Variants in CNGA2 observed in about 807,000 individuals in gnomAD.
CNGA2 encodes the protein cyclic nucleotide gated channel subunit alpha 2.
CNGA2 carries 22 observed loss-of-function variants against 35.9 expected under a neutral mutation model. The observed-to-expected ratio is 0.61, with a 90% CI of 0.44 to 0.88. CNGA2 has a LOEUF of 0.88. CNGA2 is among the 40% of genes least tolerant of loss of function. CNGA2 has a pLI of 0.00. For missense variants in CNGA2, 555 were observed against 530.8 expected, an observed-to-expected ratio of 1.05 and a Z score of -0.45; for synonymous variants, 217 against 209.2, an observed-to-expected ratio of 1.04 and a Z score of -0.32.
At position 151,744,735 on chromosome X, in the gene CNGA2, T is replaced by C. The variant is rs1335138383; in HGVS notation, c.*237T>C. 1 of 329,600 alleles carries C rather than the reference T, an allele frequency of 3.0e-6. No homozygotes were observed. Among genetic ancestry groups the C allele is most frequent in the African/African-American group, 2.6e-5 (1 of 38,626 alleles). 27.2% of individuals were successfully genotyped at this position (329,600 alleles called of 1,213,427 possible). A position where few individuals can be genotyped will look rare whatever the true frequency, so the allele number is the denominator to read the frequency against. On this transcript the variant is annotated 3_prime_UTR_variant, in exon 7 of 7. Transcript: ENST00000329903. ...GGGCTTCCGAGAGCTTCGGCCTGCC[T>C]AAGTCTGAGGAAGGGAGAAGGGGGC... is the stretch of plus-strand genomic sequence containing the variant.
rs2015361834 is a variant in CNGA2 at position 151,744,942 on chromosome X, G to A, written c.*444G>A. The stretch of plus-strand genomic sequence containing the variant: ...GTCTGTCTCCCACGACAGGCCAAGG[G>A]ATGTGATAGTGTTGTTGGGAGGGGG... On this transcript the variant is annotated 3_prime_UTR_variant, in exon 7 of 7. Transcript: ENST00000329903. 8.0e-6 allele frequency: 1 copy of A among 124,975 alleles called. No homozygotes were observed. The highest frequency in any genetic ancestry group is 8.2e-5 in the Admixed American group (1 of 12,137). 10.3% of individuals were successfully genotyped at this position (124,975 alleles called of 1,213,427 possible).
chrX:151,744,377 C>T lies in CNGA2; in HGVS notation c.1874C>T (p.Ala625Val). 8.3e-7 allele frequency: 1 copy of T among 1,210,716 alleles called. No homozygotes were observed. The highest frequency in any genetic ancestry group is 1.8e-5 in the South Asian group (1 of 56,888). ...CGCCTGCTGGCTGAGTACACGGGGG[C>T]CCAGCAGAAGCTCAAGCAGCGCATC... ...FGRLLAEYTG[A>V]QQKLKQRITV... is the part of the protein sequence containing the mutation. The change falls in exon 7 of 7, where the codon GCC becomes GTC. Residue 625 changes from alanine (A) to valine (V), a missense_variant. Physicochemically the swap from Ala to Val is moderately conservative, Grantham distance 64 (BLOSUM62 0). Transcript: ENST00000329903.
intron 1 of CNGA2, among the ~76,000 whole-genome samples, chrX:151,735,273 T>C (rs1178944241): frequency 8.9e-6 from 1 of 112,137 alleles, no homozygotes; most frequent in Non-Finnish European, 1.9e-5. Context: ...ATCTAAGATC[T>C]GTTGCCCATC....
At chrX:151,736,022 T>C (rs942443301) in intron 1 of CNGA2, among the ~76,000 whole-genome samples, 3 of 111,462 alleles carry the variant, frequency 2.7e-5, no homozygotes, top group Non-Finnish European at 5.7e-5. Flanking sequence ...CTTCCTGATA[T>C]GGGAGGGGGG....
At chrX:151,742,788 A>G in intron 6 of CNGA2, 146 bp downstream of exon 6, 1 of 417,510 alleles carries the variant, frequency 2.4e-6, no homozygotes, top group South Asian at 4.7e-5. Flanking sequence ...TCCCACATGC[A>G]TAGAGAGGTT....
At chrX:151,737,015 C>T (rs2015253111) in intron 1 of CNGA2, among the ~76,000 whole-genome samples, 1 of 111,800 alleles carries the variant, frequency 8.9e-6, no homozygotes, top group Admixed American at 9.4e-5. Flanking sequence ...CAAGTGCCCT[C>T]GTTACTATCC....
chrX:151,738,317 G>A, intron 1 of CNGA2, 141 bp from the exon 2 acceptor site: 2 of 456,108 alleles, frequency 4.4e-6, no homozygotes, highest in Non-Finnish European at 7.7e-6. Context: ...CCACTGCCCT[G>A]ACTGCCACAG....
At chrX:151,737,031 C>T (rs2015253347) in intron 1 of CNGA2, among the ~76,000 whole-genome samples, 2 of 111,850 alleles carry the variant, frequency 1.8e-5, no homozygotes, top group Non-Finnish European at 3.8e-5. Context: ...TATCCTGGTG[C>T]CATAGTTCCG....
intron 5 of CNGA2, among the ~76,000 whole-genome samples, chrX:151,741,189 C>T (rs953057082): frequency 9.0e-6 from 1 of 111,722 alleles, no homozygotes; most frequent in African/African-American, 3.3e-5. Context: ...TTAAGTGGCT[C>T]CCCATTGTCC....
chrX:151,743,044 A>ATATGTG (rs2015332362), intron 6 of CNGA2, 49 bp from the exon 7 acceptor site: 1 of 582,767 alleles, frequency 1.7e-6, no homozygotes, highest in Non-Finnish European at 2.7e-6. Flanking sequence ...ATATATGTAT[A>ATATGTG]TATATACCCT....
At position 151,741,837 on chromosome X, in the gene CNGA2, T is replaced by C. The variant is rs188591364; in HGVS notation, c.483-699T>C. On this transcript the variant is annotated intron_variant, in intron 5 of 6. Transcript: ENST00000329903. ...AGCCATCACTGGCATGGGCCAGCTC[T>C]GCAGTCTCAGTGGGAAGGGGAGGGG... Among the ~76,000 whole-genome samples the C allele has an allele frequency of 8.0e-3, 896 of 112,426 alleles. 6 individuals carry two copies. Among genetic ancestry groups the C allele is most frequent in the Middle Eastern group, 0.014 (3 of 218 alleles).
intron 4 of CNGA2, among the ~76,000 whole-genome samples, chrX:151,740,584 G>A (rs1193298905): frequency 8.9e-6 from 1 of 112,260 alleles, no homozygotes; most frequent in African/African-American, 3.2e-5. Context: ...TGAGAAGATG[G>A]GTGCCCCCGC....
rs879372 is a variant in CNGA2 at position 151,744,801 on chromosome X, C to T, written c.*303C>T. On this transcript the variant is annotated 3_prime_UTR_variant, in exon 7 of 7. Coordinates refer to ENST00000329903, the MANE Select transcript of CNGA2 (RefSeq NM_005140.3). ...GTCTGGCTCTTTTGCTCATAGCGAC[C>T]CCTCCCTTGGTTCTGGCCCCCGCTT... is the stretch of plus-strand genomic sequence containing the variant. 0.31 allele frequency: 86,917 copies of T among 284,243 alleles called. 13,281 individuals carry two copies. Among genetic ancestry groups the T allele is most frequent in the African/African-American group, 0.77 (28,312 of 36,533 alleles). 23.4% of individuals were successfully genotyped at this position (284,243 alleles called of 1,213,427 possible).
rs148854921 is a variant in CNGA2 at position 151,738,404 on chromosome X, C to G, written c.-26-54C>G. ...CCTGTTCACTTGCCACTCTCCCACT[C>G]TCTGTGGGTGTCAGGGTCCTCTGTG... On this transcript the variant is annotated intron_variant, in intron 1 of 6. Transcript: ENST00000329903. 46 of 840,289 alleles carry G rather than the reference C, an allele frequency of 5.5e-5. No homozygotes were observed. The East Asian group carries it at 1.4e-3, about 25-fold the overall frequency. 69.2% of individuals were successfully genotyped at this position (840,289 alleles called of 1,213,427 possible).
At position 151,743,648 on chromosome X, in the gene CNGA2, G is replaced by A. The variant is rs147982375; in HGVS notation, c.1145G>A (p.Arg382Gln). 50 of 1,209,448 alleles carry A rather than the reference G, an allele frequency of 4.1e-5. No individual in the cohort carries two copies. Among genetic ancestry groups the A allele is most frequent in the East Asian group, 8.9e-5 (3 of 33,770 alleles). Residue 382 changes from arginine (R) to glutamine (Q), a missense_variant, in exon 7 of 7, where the codon CGG (arginine) becomes CAG (glutamine). Transcript: ENST00000329903. The stretch of plus-strand genomic sequence containing the variant: ...ATGATCTCCAACATGAATGCCACCC[G>A]GGCAGAGTTCCAGGCTAAGATCGAT... ...GSMISNMNAT[R>Q]AEFQAKIDAV...
intron 1 of CNGA2, among the ~76,000 whole-genome samples, chrX:151,735,174 C>T (rs941063268): frequency 8.9e-6 from 1 of 112,029 alleles, no homozygotes; most frequent in Non-Finnish European, 1.9e-5. Flanking sequence ...AGGCCTACAA[C>T]TCCACCTTGA....
chrX:151,737,078 A>G (rs2015254011), intron 1 of CNGA2, among the ~76,000 whole-genome samples: 1 of 111,579 alleles, frequency 9.0e-6, no homozygotes, highest in African/African-American at 3.3e-5. Flanking sequence ...AGGCTGTTTG[A>G]CGTGCCTGCC....
intron 2 of CNGA2, 79 bp downstream of exon 2, chrX:151,738,672 A>G (rs917293693): frequency 9.1e-7 from 1 of 1,096,370 alleles, no homozygotes. Flanking sequence ...AGAGCAAGCA[A>G]TCTTTGTCTC....
In CNGA2 at chrX:151,743,193, C is replaced by A; in HGVS notation, c.690C>A (p.Pro230=). 1 of 1,205,453 alleles carries A rather than the reference C, an allele frequency of 8.3e-7. No individual in the cohort carries two copies. The highest frequency in any genetic ancestry group is 1.1e-6 in the Non-Finnish European group (1 of 893,899). The change falls in exon 7 of 7, where the codon CCC becomes CCA. Residue 230 remains proline (P), a synonymous_variant. Coordinates refer to ENST00000329903, the MANE Select transcript of CNGA2 (RefSeq NM_005140.3). ...QFKLDVASII[P]TDLIYFAVDI... is the part of the protein sequence containing the mutation. ...AGCTGGATGTGGCTTCCATCATCCC[C>A]ACTGACCTGATCTATTTTGCTGTGG...
Sources: allele counts gnomAD v4.1 joint callset (sites outside exome capture counted in the v4.1 genomes callset), GRCh38; gene constraint gnomAD v4.1.1; transcripts MANE v1.5; gene names NCBI Gene and HGNC (gene_info 2026-07-23, HGNC 2026-07-21).